Variants in MIF4GD observed in about 807,000 individuals in gnomAD.
MIF4GD encodes the protein MIF4G domain containing.
MIF4GD carries 22 observed loss-of-function variants against 26.7 expected under a neutral mutation model. The observed-to-expected ratio is 0.82, with a 90% CI of 0.59 to 1.18. MIF4GD has a LOEUF of 1.18. MIF4GD is among the 50% of genes most tolerant of loss of function. The pLI is 0.00. For synonymous variants in MIF4GD, 137 were observed against 111.6 expected, an observed-to-expected ratio of 1.23 and a Z score of -1.43; for missense variants, 262 against 279.6, an observed-to-expected ratio of 0.94 and a Z score of 0.45.
intron 5 of MIF4GD, 165 bp downstream of exon 5, chr17:75,267,373 C>A: frequency 1.5e-6 from 1 of 673,434 alleles, no homozygotes; most frequent in Non-Finnish European, 2.5e-6. Flanking sequence ...AACTCCAGAC[C>A]TGGCAGCTTG....
rs1192409186 is a variant in MIF4GD at position 75,268,671 on chromosome 17, CA to C, written c.83-480del. 6.6e-3 allele frequency among the ~76,000 whole-genome samples: 315 copies of C among 47,846 alleles called. 1 individual carries two copies. Among genetic ancestry groups the C allele is most frequent in the Non-Finnish European group, 8.4e-3 (186 of 22,078 alleles). The allele number at this position is 47,846 out of a possible 152,430, so 31.4% of individuals were successfully genotyped here. A position where few individuals can be genotyped will look rare whatever the true frequency, so the allele number is the denominator to read the frequency against. On this transcript the variant is annotated intron_variant, in intron 2 of 5. Coordinates refer to ENST00000325102, the MANE Select transcript of MIF4GD (RefSeq NM_001370592.1). ...TGGGCGACAAAGCAAGACTCCGTCTCAAAAAAAAAAAAAAAAAGAAAAAAAT... is the reference window on the plus strand; with the variant it reads ...TGGGCGACAAAGCAAGACTCCGTCTCAAAAAAAAAAAAAAAAGAAAAAAAT...
At position 75,267,554 on chromosome 17, in the gene MIF4GD, A is replaced by C; in HGVS notation, c.425T>G (p.Leu142Trp). The C allele has an allele frequency of 1.9e-6, 3 of 1,614,150 alleles. No homozygotes were observed. Among genetic ancestry groups the C allele is most frequent in the Non-Finnish European group, 2.5e-6 (3 of 1,180,000 alleles). The change falls in exon 5 of 6, where the codon TTG becomes TGG. Residue 142 changes from leucine (L) to tryptophan (W), a missense_variant. Coordinates refer to ENST00000325102, the MANE Select transcript of MIF4GD (RefSeq NM_001370592.1). ...GCCACCCACCTCCTCCTCCTTGCTC[A>C]AACTGTCTGGCTGGGCCAGCCGGAA... ...CLFRLAQPDS[L>W]SKEEEVDCLV...
rs2077684743 is a variant in MIF4GD at position 75,270,278 on chromosome 17, G to A, written c.-50-33C>T. 1.6e-6 allele frequency: 2 copies of A among 1,274,426 alleles called. No individual in the cohort carries two copies. Among genetic ancestry groups the A allele is most frequent in the East Asian group, 2.3e-5 (1 of 43,048 alleles). 78.9% of individuals were successfully genotyped at this position (1,274,426 alleles called of 1,614,324 possible). ...GAAGAGGCGAAGGGAGCGGCCTCAG[G>A]TGTGGAGCGCAGGGCGGGTTCCGTC... On this transcript the variant is annotated intron_variant, in intron 1 of 5. Transcript: ENST00000325102. The surrounding 1 kb of genome is among the most constrained non-coding windows in gnomAD (Gnocchi z 5.7).
chr17:75,269,547 ACTTTTTTTTT>A, intron 2 of MIF4GD: 5 of 766,080 alleles, frequency 6.5e-6, no homozygotes, highest in Non-Finnish European at 7.1e-6. Context: ...TTATGGTTAA[ACTTTTTTTTT>A]TTTTTTTTTT....
In MIF4GD at chr17:75,267,546, C is replaced by T. The variant is rs1567821400; in HGVS notation, c.433G>A (p.Glu145Lys). 3.7e-6 allele frequency: 6 copies of T among 1,614,186 alleles called. No homozygotes were observed. The highest frequency in any genetic ancestry group is 5.1e-6 in the Non-Finnish European group (6 of 1,180,016). Residue 145 changes from glutamate to lysine, a missense_variant, in exon 5 of 6, where the codon GAG becomes AAG. Transcript: ENST00000325102. ...GGGCTGGGGCCACCCACCTCCTCCT[C>T]CTTGCTCAAACTGTCTGGCTGGGCC... ...RLAQPDSLSK[E>K]EEVDCLVLQL...
chr17:75,268,701 A>G (rs1432246360), intron 2 of MIF4GD, among the ~76,000 whole-genome samples: 2 of 150,516 alleles, frequency 1.3e-5, no homozygotes, highest in Non-Finnish European at 3.0e-5. Context: ...AAAAAATAAA[A>G]GAAATCATAC....
intron 5 of MIF4GD, 84 bp downstream of exon 5, chr17:75,267,454 C>T (rs757092319): frequency 3.4e-5 from 46 of 1,366,812 alleles, no homozygotes; most frequent in East Asian, 3.0e-4. Flanking sequence ...CAGAGACCTC[C>T]GTGAGCAGTG....
intron 2 of MIF4GD, among the ~76,000 whole-genome samples, chr17:75,269,722 G>A (rs1454755303): frequency 7.7e-6 from 1 of 129,094 alleles, no homozygotes; most frequent in African/African-American, 2.7e-5. Context: ...ACTATGCCCG[G>A]CTAATTTTTC....
At chr17:75,268,673 A>G (rs78112426) in intron 2 of MIF4GD, among the ~76,000 whole-genome samples, 1 of 141,214 alleles carries the variant, frequency 7.1e-6, no homozygotes, top group African/African-American at 2.7e-5. Flanking sequence ...CTCCGTCTCA[A>G]AAAAAAAAAA....
chr17:75,267,778 T>C lies in MIF4GD; in HGVS notation c.316A>G (p.Thr106Ala). The C allele has an allele frequency of 6.2e-7, 1 of 1,613,842 alleles. No homozygotes were observed. Among genetic ancestry groups the C allele is most frequent in the Non-Finnish European group, 8.5e-7 (1 of 1,179,886 alleles). ...TAGTCAAAGATGTTGCAGATAAAGG[T>C]GACATAGCAGACCCAGCCCTGCAGG... is the stretch of plus-strand genomic sequence containing the variant. ...RSLQGWVCYV[T>A]FICNIFDYLR... is the part of the protein sequence containing the mutation. Residue 106 changes from threonine to alanine, a missense_variant, in exon 4 of 6, where the codon ACC (threonine) becomes GCC (alanine). By Grantham distance (58) the Thr-to-Ala change is moderately conservative (BLOSUM62 0). Transcript: ENST00000325102.
At chr17:75,269,758 T>TTTTG (rs2077659446) in intron 2 of MIF4GD, among the ~76,000 whole-genome samples, 1 of 142,596 alleles carries the variant, frequency 7.0e-6, no homozygotes, top group Non-Finnish European at 1.5e-5. Context: ...TTTTTTTTTT[T>TTTTG]GTAGAGATGG....
In MIF4GD at chr17:75,270,318, CG is replaced by C; in HGVS notation, c.-50-74del. ...CGGGTTCCGTCCTGCAGGCCCTGGA[CG>C]GGGCTGACGGCGCGCTCGGGACAGG... On this transcript the variant is annotated intron_variant, in intron 1 of 5. Coordinates refer to ENST00000325102, the MANE Select transcript of MIF4GD (RefSeq NM_001370592.1). This position sits in a 1 kb window ranked among gnomAD's most constrained non-coding sequence, Gnocchi z 5.7. The C allele has an allele frequency of 3.6e-6, 3 of 832,120 alleles. No homozygotes were observed. The highest frequency in any genetic ancestry group is 2.9e-5 in the South Asian group (2 of 68,962). 51.5% of individuals were successfully genotyped at this position (832,120 alleles called of 1,614,324 possible).
chr17:75,268,829 C>A (rs951716947), intron 2 of MIF4GD, among the ~76,000 whole-genome samples: 4 of 151,852 alleles, frequency 2.6e-5, no homozygotes, highest in African/African-American at 9.7e-5. Context: ...CATGATGAAA[C>A]CCCGTCTCTA....
chr17:75,266,700 A>C lies in MIF4GD; in HGVS notation c.*40T>G, dbSNP rs761080665. The C allele has an allele frequency of 8.8e-6, 14 of 1,592,300 alleles. No homozygotes were observed. Among genetic ancestry groups the C allele is most frequent in the Middle Eastern group, 3.3e-4 (2 of 6,038 alleles). On this transcript the variant is annotated 3_prime_UTR_variant, in exon 6 of 6. Coordinates refer to ENST00000325102, the MANE Select transcript of MIF4GD (RefSeq NM_001370592.1). ...ACTGCCAGCTTTAGAGGTGGGTAGAAGAAAGGCCAGTGCTGGTGAGGAAGC... is the reference window on the plus strand; with the variant it reads ...ACTGCCAGCTTTAGAGGTGGGTAGACGAAAGGCCAGTGCTGGTGAGGAAGC...
intron 2 of MIF4GD, chr17:75,269,458 C>T (rs777205986): frequency 1.9e-6 from 3 of 1,611,266 alleles, no homozygotes; most frequent in Admixed American, 3.3e-5. Flanking sequence ...ACTGTGCATT[C>T]AAGAGACGGG....
Position 75,267,918 on chromosome 17 carries a change from G to A in MIF4GD, c.193-17C>T, listed in dbSNP as rs1464067888. ...ACTCTCTGCCTGTGAGCCAGGGAGA[G>A]GAAGGTGAAGGGTGGGGGGCGGTGC... On this transcript the variant is annotated splice_polypyrimidine_tract_variant and intron_variant, in intron 3 of 5. Transcript: ENST00000325102. 6.2e-7 allele frequency: 1 copy of A among 1,607,690 alleles called. No individual in the cohort carries two copies. The highest frequency in any genetic ancestry group is 8.5e-7 in the Non-Finnish European group (1 of 1,177,096).
At chr17:75,268,307 G>A in intron 2 of MIF4GD, 115 bp from the exon 3 acceptor site, 1 of 787,564 alleles carries the variant, frequency 1.3e-6, no homozygotes, top group Non-Finnish European at 2.2e-6. Context: ...TGAAGTGAAA[G>A]AGATCAGAAA....
chr17:75,271,015 T>G lies in MIF4GD; in HGVS notation c.-51+129A>C, dbSNP rs2077716941. The G allele has an allele frequency of 1.3e-5, 2 of 152,034 alleles. No individual in the cohort carries two copies. The highest frequency in any genetic ancestry group is 2.9e-5 in the Non-Finnish European group (2 of 67,986). The allele number at this position is 152,034 out of a possible 1,614,324, so 9.4% of individuals were successfully genotyped here. A position where few individuals can be genotyped will look rare whatever the true frequency, so the allele number is the denominator to read the frequency against. ...TCCCCTCTGGCCGTAGGAGGCGCCTTTAGGGTCTCCAGCCCTCGGCCGTTC... is the reference window on the plus strand; with the variant it reads ...TCCCCTCTGGCCGTAGGAGGCGCCTGTAGGGTCTCCAGCCCTCGGCCGTTC... On this transcript the variant is annotated intron_variant, in intron 1 of 5. Coordinates refer to ENST00000325102, the MANE Select transcript of MIF4GD (RefSeq NM_001370592.1). This position sits in a 1 kb window ranked among gnomAD's most constrained non-coding sequence, Gnocchi z 4.2.
intron 2 of MIF4GD, chr17:75,269,263 C>A: frequency 6.6e-7 from 1 of 1,523,926 alleles, no homozygotes. Context: ...TGCAAACCCC[C>A]AACAAGAGAG....
Sources: gnomAD v4.1 joint callset for allele counts (sites outside exome capture counted in the v4.1 genomes callset) on GRCh38, gnomAD v4.1.1 for gene constraint, Gnocchi (gnomAD v3.1) non-coding constraint, MANE v1.5 for transcripts, NCBI Gene and HGNC (gene_info 2026-07-23, HGNC 2026-07-21) for gene names.